Variants in MED14 observed in about 807,000 individuals in gnomAD.
MED14 encodes the protein mediator of RNA polymerase II transcription subunit 14.
In MED14, 8 loss-of-function variants were observed where a neutral mutation model predicts 109.0. That is an observed-to-expected ratio of 0.07 (90% CI 0.04 to 0.13). The LOEUF (loss-of-function observed/expected upper bound fraction) is 0.13, where lower values mean the gene tolerates loss of function less well. Ranked by LOEUF, MED14 falls within the 10% of genes least tolerant of loss-of-function variation. The pLI, the probability that MED14 is intolerant of heterozygous loss-of-function variation, is 1.00. For synonymous variants in MED14, 399 were observed against 408.7 expected, an observed-to-expected ratio of 0.98 and a Z score of 0.29; for missense variants, 711 against 1,142.4, an observed-to-expected ratio of 0.62 and a Z score of 5.44.
chrX:40,684,852 T>C (rs1324997817), intron 16 of MED14, among the ~76,000 whole-genome samples: 1 of 112,183 alleles, frequency 8.9e-6, no homozygotes, highest in Non-Finnish European at 1.9e-5. Flanking sequence ...ACCCTGAAAG[T>C]GCACTGTATA....
chrX:40,715,007 A>G, intron 3 of MED14: 1 of 205,458 alleles, frequency 4.9e-6, no homozygotes, highest in South Asian at 1.2e-4. Flanking sequence ...AGTAGAATAA[A>G]ATGGTTTTTT....
chrX:40,724,392 C>T (rs1931831350), intron 3 of MED14, among the ~76,000 whole-genome samples: 1 of 112,106 alleles, frequency 8.9e-6, no homozygotes, highest in South Asian at 3.7e-4. Context: ...ACATTCTTCT[C>T]CTCAGCACAC....
chrX:40,677,142 A>G (rs770099774), intron 21 of MED14, among the ~76,000 whole-genome samples: 3 of 112,225 alleles, frequency 2.7e-5, no homozygotes, highest in Non-Finnish European at 5.6e-5. Context: ...AAGGACTACT[A>G]TATAAAAAAT....
intron 1 of MED14, among the ~76,000 whole-genome samples, chrX:40,730,850 C>T (rs1270700638): frequency 1.2e-5 from 1 of 80,646 alleles, no homozygotes; most frequent in Non-Finnish European, 2.3e-5. Flanking sequence ...AAAAAGGGGG[C>T]GGGGGGGTCA....
At position 40,654,491 on chromosome X, in the gene MED14, A is replaced by G; in HGVS notation, c.4164T>C (p.Ile1388=). The change falls in exon 30 of 31, where the codon ATT becomes ATC. Residue 1388 remains isoleucine (I), a synonymous_variant. Transcript: ENST00000324817. ...GGGTTGTACCTGAAGCCATGTCATA[A>G]ATGATTGGAACTATAATACTAACAG... ...QEPVSIIVPI[I]YDMASGTTQQ... The G allele has an allele frequency of 1.7e-6, 2 of 1,211,259 alleles. No individual in the cohort carries two copies. Among genetic ancestry groups the G allele is most frequent in the Non-Finnish European group, 2.2e-6 (2 of 895,301 alleles).
rs112278345 is a variant in MED14, at chrX:40,725,561, T to C, written c.348+1185A>G. 1.9e-3 allele frequency among the ~76,000 whole-genome samples: 210 copies of C among 112,248 alleles called. 1 individual carries two copies. The highest frequency in any genetic ancestry group is 6.1e-3 in the African/African-American group (189 of 30,947). ...CAATCACTGTGATACATCATATCTATAGAATGAAAAACAAAAACCATGTGA... is the reference window on the plus strand; with the variant it reads ...CAATCACTGTGATACATCATATCTACAGAATGAAAAACAAAAACCATGTGA... On this transcript the variant is annotated intron_variant, in intron 3 of 30. Coordinates refer to ENST00000324817, the MANE Select transcript of MED14 (RefSeq NM_004229.4).
Position 40,651,439 on chromosome X carries a change from AAAAAC to A in MED14, c.*362_*366del, listed in dbSNP as rs1928869575. The A allele has an allele frequency of 7.8e-6, 6 of 765,796 alleles. No individual in the cohort carries two copies. Among genetic ancestry groups the A allele is most frequent in the African/African-American group, 2.3e-5 (1 of 43,833 alleles). The allele number at this position is 765,796 out of a possible 1,213,427, so 63.1% of individuals were successfully genotyped here. A position where few individuals can be genotyped will look rare whatever the true frequency, so the allele number is the denominator to read the frequency against. ...ATTCAAAAATGACAGACCTGCCTTAAAAAACAAAACAAAAACCAAAAAAGGACTAT... is the reference window on the plus strand; with the variant it reads ...ATTCAAAAATGACAGACCTGCCTTAAAAAACAAAAACCAAAAAAGGACTAT... On this transcript the variant is annotated 3_prime_UTR_variant, in exon 31 of 31. Transcript: ENST00000324817.
Position 40,680,089 on chromosome X carries a change from G to C in MED14, c.2655C>G (p.Leu885=). 8.3e-7 allele frequency: 1 copy of C among 1,211,382 alleles called. No homozygotes were observed. The highest frequency in any genetic ancestry group is 1.7e-5 in the African/African-American group (1 of 57,770). Residue 885 remains leucine (L), a synonymous_variant, in exon 21 of 31, where the codon CTC becomes CTG. Coordinates refer to ENST00000324817, the MANE Select transcript of MED14 (RefSeq NM_004229.4). ...TQAPLNAINK[L]PTVPMLGLTQ... Reference sequence around the variant, plus strand: ...TCAAGCCCAACATCGGCACAGTGGGGAGTTTGTTGATGGCATTTAATGGAG... The same window carrying C: ...TCAAGCCCAACATCGGCACAGTGGGCAGTTTGTTGATGGCATTTAATGGAG...
chrX:40,666,114 CTG>C (rs1929469705), intron 24 of MED14, among the ~76,000 whole-genome samples: 2 of 111,883 alleles, frequency 1.8e-5, no homozygotes, highest in African/African-American at 6.5e-5. Flanking sequence ...GCACTGAACA[CTG>C]TAAAGTATGC....
At chrX:40,690,354 A>C (rs1467303536) in intron 15 of MED14, among the ~76,000 whole-genome samples, 3 of 111,446 alleles carry the variant, frequency 2.7e-5, no homozygotes, top group Non-Finnish European at 5.7e-5. Context: ...TACAGATCCC[A>C]AATTCCTGTA....
intron 23 of MED14, among the ~76,000 whole-genome samples, chrX:40,668,189 C>T (rs941250851): frequency 7.2e-5 from 8 of 110,681 alleles, no homozygotes; most frequent in African/African-American, 2.6e-4. Context: ...TTGAGACTAG[C>T]CTGGCCAACA....
intron 10 of MED14, among the ~76,000 whole-genome samples, chrX:40,704,989 A>G (rs1931084756): frequency 8.9e-6 from 1 of 111,969 alleles, no homozygotes; most frequent in Non-Finnish European, 1.9e-5. Context: ...TCTGGTCTCA[A>G]GCATTTCAGA....
rs138553362 is a variant in MED14 at position 40,734,656 on chromosome X, T to A, written c.215+542A>T. Among the ~76,000 whole-genome samples the A allele has an allele frequency of 2.4e-3, 275 of 112,398 alleles. 1 individual carries two copies. Among genetic ancestry groups the A allele is most frequent in the African/African-American group, 8.5e-3 (264 of 30,910 alleles). ...CTAGGTGATTTATAAACCCCCTTCA[T>A]ACTCCAAGAAATAACAGACTACTTA... is the stretch of plus-strand genomic sequence containing the variant. On this transcript the variant is annotated intron_variant, in intron 1 of 30. Coordinates refer to ENST00000324817, the MANE Select transcript of MED14 (RefSeq NM_004229.4).
chrX:40,711,662 A>G (rs1357193699), intron 7 of MED14, among the ~76,000 whole-genome samples: 3 of 110,132 alleles, frequency 2.7e-5, no homozygotes, highest in African/African-American at 9.9e-5. Flanking sequence ...TTGCTCTGTC[A>G]TCCAGGCTGG....
intron 26 of MED14, 101 bp from the exon 27 acceptor site, chrX:40,659,708 T>G: frequency 1.2e-6 from 1 of 816,714 alleles, no homozygotes; most frequent in Non-Finnish European, 1.7e-6. Flanking sequence ...TTGATACCTA[T>G]TCCAAAACAA....
chrX:40,723,102 AACT>A (rs1217421297), intron 3 of MED14, among the ~76,000 whole-genome samples: 3 of 112,366 alleles, frequency 2.7e-5, no homozygotes, highest in Non-Finnish European at 5.6e-5. Context: ...GTACTATGTA[AACT>A]ACTCCTATCT....
intron 15 of MED14, among the ~76,000 whole-genome samples, chrX:40,689,658 T>C (rs1440049785): frequency 3.7e-5 from 4 of 108,342 alleles, no homozygotes; most frequent in Admixed American, 3.0e-4. Flanking sequence ...GCCATTGCAC[T>C]CCAGCCTGGG....
At chrX:40,716,401 T>C (rs1365744733) in intron 3 of MED14, among the ~76,000 whole-genome samples, 1 of 110,352 alleles carries the variant, frequency 9.1e-6, no homozygotes, top group Non-Finnish European at 1.9e-5. Context: ...CAGACCAACC[T>C]GGACAACATA....
At position 40,735,264 on chromosome X, in the gene MED14, C is replaced by T. The variant is rs763218426; in HGVS notation, c.149G>A (p.Arg50Gln). Residue 50 changes from arginine to glutamine, a missense_variant, in exon 1 of 31, where the codon CGG becomes CAG. Around this residue, in one of 8 missense-constraint regions of MED14, gnomAD observed 62 missense variants for 55.2 expected, o/e 1.12. Transcript: ENST00000324817. ...CAGAAATTCAATGAGGGTGCTCAGCCGGTAGCCCGGGCTAGCCGCAGCTGC... is the reference window on the plus strand; with the variant it reads ...CAGAAATTCAATGAGGGTGCTCAGCTGGTAGCCCGGGCTAGCCGCAGCTGC... Reference protein sequence around the residue: ...AAAAAASPGYRLSTLIEFLLH... With the variant: ...AAAAAASPGYQLSTLIEFLLH... 8.7e-7 allele frequency: 1 copy of T among 1,143,731 alleles called. No individual in the cohort carries two copies. The highest frequency in any genetic ancestry group is 1.2e-6 in the Non-Finnish European group (1 of 862,739). 94.3% of individuals were successfully genotyped at this position (1,143,731 alleles called of 1,213,427 possible).
Sources: gnomAD v4.1 joint callset for allele counts (sites outside exome capture counted in the v4.1 genomes callset) on GRCh38, gnomAD v4.1.1 for gene constraint, gnomAD v4.1.1 regional missense constraint, MANE v1.5 for transcripts, NCBI Gene and HGNC (gene_info 2026-07-23, HGNC 2026-07-21) for gene names.